CCDC187: variants seen among roughly 807,000 people sequenced by gnomAD.
CCDC187 encodes coiled-coil domain-containing protein 187.
Under a neutral mutation model 38.0 loss-of-function variants are expected in CCDC187, and 32 were observed. The ratio of observed to expected loss-of-function variants is 0.84; its 90% CI spans 0.64 to 1.13. The LOEUF is 1.13. Ranked by LOEUF, CCDC187 falls within the 50% of genes most tolerant of loss-of-function variation. The pLI is 0.00. For missense variants in CCDC187, 707 were observed against 786.8 expected, an observed-to-expected ratio of 0.90 and a Z score of 1.21; for synonymous variants, 333 against 347.9, an observed-to-expected ratio of 0.96 and a Z score of 0.48.
Position 136,290,641 on chromosome 9 carries a change from TCTC to T in CCDC187, c.1969_1971del (p.Glu657del), listed in dbSNP as rs1197562479. ...TCCCGTGTGCGCAGGGCCGAGGCCT[TCTC>T]CTCCAGGGCCTGCCGCCGCCGGGCC... On this transcript the variant is annotated inframe_deletion, in exon 6 of 26. Coordinates refer to ENST00000638797, the MANE Select transcript of CCDC187 (RefSeq NM_001378188.1). 43 of 398,344 alleles carry T rather than the reference TCTC, an allele frequency of 1.1e-4. No individual in the cohort carries two copies. Among genetic ancestry groups the T allele is most frequent in the Non-Finnish European group, 1.5e-4 (35 of 225,994 alleles). The allele number at this position is 398,344 out of a possible 1,614,324, so 24.7% of individuals were successfully genotyped here.
Position 136,251,679 on chromosome 9 carries a change from C to A in CCDC187, c.*1915G>T, listed in dbSNP as rs1564302942. ...TGGCATAGGCGCTGCTCCGCCCCGT[C>A]CTCGTTCCTGCTCTTGGCGACTCTG... On this transcript the variant is annotated 3_prime_UTR_variant, in exon 26 of 26. Transcript: ENST00000638797. 1 of 155,618 alleles carries A rather than the reference C, an allele frequency of 6.4e-6. No individual in the cohort carries two copies. The highest frequency in any genetic ancestry group is 1.4e-5 in the Non-Finnish European group (1 of 69,576). 9.6% of individuals were successfully genotyped at this position (155,618 alleles called of 1,614,324 possible). A position where few individuals can be genotyped will look rare whatever the true frequency, so the allele number is the denominator to read the frequency against.
chr9:136,286,475 G>A lies in CCDC187; in HGVS notation c.2443C>T (p.Leu815=). ...EAEHLGTSSS[L]HLRHKQAQLQ... Reference sequence around the variant, plus strand: ...TGCGCCTGCTTATGCCGGAGGTGCAGGGAGCTGGAAGTGCCCAGGTGCTCA... The same window carrying A: ...TGCGCCTGCTTATGCCGGAGGTGCAAGGAGCTGGAAGTGCCCAGGTGCTCA... The change falls in exon 8 of 26, where the codon CTG becomes TTG. Residue 815 remains leucine, a synonymous_variant. Transcript: ENST00000638797. The A allele has an allele frequency of 2.5e-6, 1 of 398,778 alleles. No homozygotes were observed. The highest frequency in any genetic ancestry group is 4.4e-6 in the Non-Finnish European group (1 of 226,148). The allele number at this position is 398,778 out of a possible 1,614,324, so 24.7% of individuals were successfully genotyped here. A position where few individuals can be genotyped will look rare whatever the true frequency, so the allele number is the denominator to read the frequency against.
Position 136,254,481 on chromosome 9 carries a change from T to C in CCDC187, c.5347A>G (p.Ser1783Gly). 7.1e-6 allele frequency: 7 copies of C among 985,298 alleles called. No homozygotes were observed. The highest frequency in any genetic ancestry group is 8.4e-6 in the Non-Finnish European group (7 of 829,936). 61.0% of individuals were successfully genotyped at this position (985,298 alleles called of 1,614,324 possible). A position where few individuals can be genotyped will look rare whatever the true frequency, so the allele number is the denominator to read the frequency against. ...AGTGAGCCACCTGCAGGCAGGGAGC[T>C]CCCCGAGGCTGGCTTGGCCCCGGTA... ...PCTGAKPASG[S>G]SLPAGGSLGL... Residue 1783 changes from serine to glycine, a missense_variant, in exon 26 of 26, where the codon AGC becomes GGC. Coordinates refer to ENST00000638797, the MANE Select transcript of CCDC187 (RefSeq NM_001378188.1).
rs1038911201 is a variant in CCDC187, at chr9:136,265,903, G to A, written c.3735+53C>T. The A allele has an allele frequency of 1.0e-5, 9 of 867,356 alleles. No homozygotes were observed. In the South Asian group the frequency reaches 4.2e-4, roughly 41 times the overall value. 53.7% of individuals were successfully genotyped at this position (867,356 alleles called of 1,614,324 possible). On this transcript the variant is annotated intron_variant, in intron 17 of 25. Transcript: ENST00000638797. ...CAGATTCCAGGCAAGAAGATGACACGACTGCCTCTGTGAGCCGCCCACCCT... is the reference window on the plus strand; with the variant it reads ...CAGATTCCAGGCAAGAAGATGACACAACTGCCTCTGTGAGCCGCCCACCCT...
intron 3 of CCDC187, among the ~76,000 whole-genome samples, chr9:136,298,440 G>A (rs909920193): frequency 6.6e-6 from 1 of 152,200 alleles, no homozygotes; most frequent in African/African-American, 2.4e-5. Context: ...CACCGAGAGG[G>A]CCCGGCTCCA....
rs1186784789 is a variant in CCDC187, at chr9:136,257,541, A to G, written c.4367-700T>C. On this transcript the variant is annotated intron_variant, in intron 22 of 25. Coordinates refer to ENST00000638797, the MANE Select transcript of CCDC187 (RefSeq NM_001378188.1). This position sits in a 1 kb window ranked among gnomAD's most constrained non-coding sequence, Gnocchi z 4.5. ...CCGGTGGGGGGCAGGCCTCGGACAC[A>G]GCAAGGCCACCAGTGCACCGCCGGG... Among the ~76,000 whole-genome samples the G allele has an allele frequency of 6.6e-6, 1 of 152,152 alleles. No homozygotes were observed. Among genetic ancestry groups the G allele is most frequent in the Non-Finnish European group, 1.5e-5 (1 of 68,026 alleles).
rs1364984042 is a variant in CCDC187, at chr9:136,255,709, G to A, written c.4641C>T (p.Val1547=). 3 of 985,328 alleles carry A rather than the reference G, an allele frequency of 3.0e-6. No homozygotes were observed. Among genetic ancestry groups the A allele is most frequent in the Non-Finnish European group, 1.2e-6 (1 of 829,940 alleles). 61.0% of individuals were successfully genotyped at this position (985,328 alleles called of 1,614,324 possible). ...CCAGCCAGGTGGAGGAGATGCCGGG[G>A]ACCTCCTGCTGACAGGCCTCCGTCC... ...EQRTEACQQE[V]PGISSTWLEA... Residue 1547 remains valine (V), a synonymous_variant, in exon 25 of 26, where the codon GTC becomes GTT. Coordinates refer to ENST00000638797, the MANE Select transcript of CCDC187 (RefSeq NM_001378188.1).
intron 15 of CCDC187, 26 bp downstream of exon 15, chr9:136,268,023 C>G (rs1213444433): frequency 2.0e-6 from 2 of 985,282 alleles, no homozygotes; most frequent in East Asian, 2.3e-4. Context: ...AATTGTGCCT[C>G]TCCCCCAGGG....
At position 136,264,669 on chromosome 9, in the gene CCDC187, A is replaced by G. The variant is rs544888048; in HGVS notation, c.3736-871T>C. Among the ~76,000 whole-genome samples the G allele has an allele frequency of 6.6e-6, 1 of 151,834 alleles. No homozygotes were observed. Among genetic ancestry groups the G allele is most frequent in the South Asian group, 2.1e-4 (1 of 4,800 alleles). On this transcript the variant is annotated intron_variant, in intron 17 of 25. Transcript: ENST00000638797. The surrounding 1 kb of genome is among the most constrained non-coding windows in gnomAD (Gnocchi z 4.3). ...CAGGGCATCCAGGGCAGGGATGGGG[A>G]TCCCGGGGCTTTCCAGTCAACATAA...
intron 25 of CCDC187, among the ~76,000 whole-genome samples, chr9:136,255,443 G>A (rs1417426962): frequency 2.6e-5 from 4 of 152,212 alleles, no homozygotes; most frequent in African/African-American, 9.7e-5. Context: ...CATTAGGGAT[G>A]TGGGTGGATC....
chr9:136,275,194 G>A (rs942743938), intron 12 of CCDC187, among the ~76,000 whole-genome samples, 187 bp from the exon 13 acceptor site: 11 of 152,112 alleles, frequency 7.2e-5, no homozygotes, highest in African/African-American at 2.2e-4. Flanking sequence ...GCCTCCCAGA[G>A]AGGCCACTGC....
chr9:136,284,180 C>T (rs1158932580), intron 9 of CCDC187, among the ~76,000 whole-genome samples: 144 of 152,188 alleles, frequency 9.5e-4, no homozygotes, highest in African/African-American at 3.4e-3. Flanking sequence ...AGGGCGCCTC[C>T]TTCCCCCACA....
At chr9:136,292,517 T>TTCCCTGACCCTCAGAGTCCTCCTCC (rs1470173350) in intron 4 of CCDC187, among the ~76,000 whole-genome samples, 4 of 152,164 alleles carry the variant, frequency 2.6e-5, no homozygotes, top group Non-Finnish European at 5.9e-5. Context: ...GGCAGGTGGC[T>TTCCCTGACCCTCAGAGTCCTCCTCC]TCCCTGACCC....
At chr9:136,293,770 TCA>T (rs1247023199) in intron 4 of CCDC187, among the ~76,000 whole-genome samples, 182 of 151,854 alleles carry the variant, frequency 1.2e-3, no homozygotes, top group Non-Finnish European at 1.7e-3. Flanking sequence ...ACTGACATGC[TCA>T]CACACGGTCT....
At chr9:136,298,175 C>T (rs1831581491) in intron 3 of CCDC187, among the ~76,000 whole-genome samples, 1 of 152,216 alleles carries the variant, frequency 6.6e-6, no homozygotes, top group Non-Finnish European at 1.5e-5. Context: ...GAATCCAGCA[C>T]CCAGCTGGGG....
At chr9:136,282,155 G>A (rs952130640) in intron 9 of CCDC187, among the ~76,000 whole-genome samples, 5 of 152,232 alleles carry the variant, frequency 3.3e-5, no homozygotes, top group South Asian at 2.1e-4. Flanking sequence ...GGCCCAGAGC[G>A]GAACGGGGTC....
Position 136,255,110 on chromosome 9 carries a change from G to A in CCDC187, c.4718C>T (p.Ala1573Val), listed in dbSNP as rs568845720. The change falls in exon 26 of 26, where the codon GCG becomes GTG. Residue 1573 changes from alanine (A) to valine (V), a missense_variant. Physicochemically the swap from Ala to Val is moderately conservative, Grantham distance 64. Coordinates refer to ENST00000638797, the MANE Select transcript of CCDC187 (RefSeq NM_001378188.1). The stretch of plus-strand genomic sequence containing the variant: ...GCCCTGGTGCAGGATTGGGGGCGCC[G>A]CCTCCTCAGGGACCACAGGAGCTGC... ...SPAAPVVPEE[A>V]APPILHQGSP... is the part of the protein sequence containing the mutation. 10 of 985,488 alleles carry A rather than the reference G, an allele frequency of 1.0e-5. No homozygotes were observed. The highest frequency in any genetic ancestry group is 9.4e-5 in the South Asian group (2 of 21,282). 61.0% of individuals were successfully genotyped at this position (985,488 alleles called of 1,614,324 possible). A position where few individuals can be genotyped will look rare whatever the true frequency, so the allele number is the denominator to read the frequency against.
At chr9:136,278,559 G>A (rs1830977121) in intron 10 of CCDC187, among the ~76,000 whole-genome samples, 2 of 152,220 alleles carry the variant, frequency 1.3e-5, no homozygotes, top group African/African-American at 4.8e-5. Context: ...TGGTAGCTGT[G>A]AGGATGCAAT....
intron 14 of CCDC187, among the ~76,000 whole-genome samples, chr9:136,271,757 G>C (rs575568484): frequency 2.0e-5 from 3 of 151,622 alleles, no homozygotes; most frequent in Admixed American, 2.0e-4. Context: ...ACAGGCACCC[G>C]CCACCGCATC....
Sources: allele counts gnomAD v4.1 joint callset (sites outside exome capture counted in the v4.1 genomes callset), GRCh38; gene constraint gnomAD v4.1.1; non-coding constraint Gnocchi (gnomAD v3.1); transcripts MANE v1.5; gene names NCBI Gene and HGNC (gene_info 2026-07-23, HGNC 2026-07-21).